Variants in SLC24A2 observed in about 807,000 individuals in gnomAD.
SLC24A2 encodes the protein solute carrier family 24 member 2.
In SLC24A2, 36 loss-of-function variants were observed where a neutral mutation model predicts 62.0. That is an observed-to-expected ratio of 0.58 (90% CI 0.44 to 0.77). The LOEUF (loss-of-function observed/expected upper bound fraction) is 0.77, where lower values mean the gene tolerates loss of function less well. SLC24A2 is among the 30% of genes least tolerant of loss of function. The pLI is 0.00. For synonymous variants in SLC24A2, 358 were observed against 294.0 expected, an observed-to-expected ratio of 1.22 and a Z score of -2.23; for missense variants, 846 against 817.9, an observed-to-expected ratio of 1.03 and a Z score of -0.42.
chr9:20,182,721 A>G, the SLC24A2 span, among the ~76,000 whole-genome samples: 2 of 152,242 alleles, frequency 1.3e-5, no homozygotes, highest in Non-Finnish European at 2.9e-5. Flanking sequence ...CAACAGGCAC[A>G]TGTATACCTA....
At chr9:19,616,943 T>C (rs1420803258) in intron 4 of SLC24A2, among the ~76,000 whole-genome samples, 2 of 152,034 alleles carry the variant, frequency 1.3e-5, no homozygotes, top group African/African-American at 4.8e-5. Context: ...GAACAGCCTA[T>C]GGAAAAACCT....
At chr9:19,565,278 A>G (rs548893757) in intron 7 of SLC24A2, among the ~76,000 whole-genome samples, 6 of 150,840 alleles carry the variant, frequency 4.0e-5, no homozygotes, top group African/African-American at 1.5e-4. Flanking sequence ...CTCAGGATAC[A>G]AAATCAATGT....
chr9:20,095,712 G>C, the SLC24A2 span, among the ~76,000 whole-genome samples: 1 of 151,756 alleles, frequency 6.6e-6, no homozygotes, highest in African/African-American at 2.4e-5. Context: ...ATCTGTATTA[G>C]TTCGTTTTCA....
the SLC24A2 span, among the ~76,000 whole-genome samples, chr9:19,957,231 A>G: frequency 2.6e-5 from 4 of 151,912 alleles, no homozygotes; most frequent in African/African-American, 9.7e-5. Flanking sequence ...ATGCTTCTCA[A>G]AGCCAGTTGT....
the SLC24A2 span, among the ~76,000 whole-genome samples, chr9:20,060,642 C>G: frequency 1.3e-5 from 2 of 152,086 alleles, no homozygotes; most frequent in African/African-American, 4.8e-5. Context: ...TAGAAGGGAA[C>G]TTTTCCAACT....
the SLC24A2 span, among the ~76,000 whole-genome samples, chr9:20,078,953 G>C: frequency 6.6e-6 from 1 of 152,172 alleles, no homozygotes; most frequent in Non-Finnish European, 1.5e-5. Flanking sequence ...TTTTGTAGTG[G>C]ATTGAATGGT....
the SLC24A2 span, among the ~76,000 whole-genome samples, chr9:20,029,309 C>G: frequency 4.6e-5 from 7 of 152,224 alleles, no homozygotes; most frequent in Admixed American, 3.9e-4. Flanking sequence ...CCTTGGCATG[C>G]TCATCATTAA....
At chr9:20,034,512 T>C in the SLC24A2 span, among the ~76,000 whole-genome samples, 1 of 138,828 alleles carries the variant, frequency 7.2e-6, no homozygotes, top group Admixed American at 8.0e-5. Flanking sequence ...CAGGCTGGAA[T>C]GCAGTGGCGC....
intron 5 of SLC24A2, among the ~76,000 whole-genome samples, chr9:19,594,905 T>A (rs1836664273): frequency 6.6e-6 from 1 of 152,198 alleles, no homozygotes; most frequent in South Asian, 2.1e-4. Flanking sequence ...CAGAATTAGG[T>A]TTAAGCCAGA....
At chr9:20,209,296 C>T in the SLC24A2 span, among the ~76,000 whole-genome samples, 1 of 152,270 alleles carries the variant, frequency 6.6e-6, no homozygotes, top group East Asian at 1.9e-4. Context: ...TAATGAATCA[C>T]CCTGTTTTTA....
intron 9 of SLC24A2, among the ~76,000 whole-genome samples, chr9:19,525,152 G>A (rs571675368): frequency 6.6e-6 from 1 of 152,032 alleles, no homozygotes; most frequent in Non-Finnish European, 1.5e-5. Context: ...GGAAGCCAAT[G>A]ATTTTTTGGA....
the SLC24A2 span, among the ~76,000 whole-genome samples, chr9:20,194,103 G>C: frequency 6.6e-6 from 1 of 151,982 alleles, no homozygotes. Context: ...GAAAACAAAA[G>C]TAAGCACTCC....
At chr9:19,995,854 A>C in the SLC24A2 span, among the ~76,000 whole-genome samples, 1 of 152,228 alleles carries the variant, frequency 6.6e-6, no homozygotes, top group African/African-American at 2.4e-5. Flanking sequence ...GTGCTTAGTC[A>C]AGGCAGCCTG....
the SLC24A2 span, among the ~76,000 whole-genome samples, chr9:20,114,091 G>A: frequency 6.6e-6 from 1 of 152,036 alleles, no homozygotes; most frequent in Admixed American, 6.6e-5. Context: ...AGTTCTGAGA[G>A]GCTGAGGTTG....
At chr9:20,264,864 G>A in the SLC24A2 span, among the ~76,000 whole-genome samples, 2 of 152,214 alleles carry the variant, frequency 1.3e-5, no homozygotes, top group South Asian at 4.1e-4. Flanking sequence ...GCCTTCCAGA[G>A]GTCTATCAGT....
chr9:19,980,514 A>T, the SLC24A2 span, among the ~76,000 whole-genome samples: 1 of 152,164 alleles, frequency 6.6e-6, no homozygotes, highest in Non-Finnish European at 1.5e-5. Context: ...TCTTTCTGGC[A>T]CATAGTGGAC....
chr9:19,913,411 G>T, the SLC24A2 span, among the ~76,000 whole-genome samples: 1 of 152,200 alleles, frequency 6.6e-6, no homozygotes, highest in East Asian at 1.9e-4. Context: ...ATCCAAGCTA[G>T]TCCAGTCAGA....
intron 8 of SLC24A2, among the ~76,000 whole-genome samples, chr9:19,533,377 G>A (rs2132677819): frequency 6.6e-6 from 1 of 152,292 alleles, no homozygotes; most frequent in South Asian, 2.1e-4. Flanking sequence ...CTGCAAAAAT[G>A]GGCACAATAC....
At chr9:20,231,544 C>G in the SLC24A2 span, among the ~76,000 whole-genome samples, 1 of 151,944 alleles carries the variant, frequency 6.6e-6, no homozygotes, top group Non-Finnish European at 1.5e-5. Flanking sequence ...TTGTCTGTTA[C>G]TGGTATATAA....
Sources: gnomAD v4.1 joint callset for allele counts (sites outside exome capture counted in the v4.1 genomes callset) on GRCh38, gnomAD v4.1.1 for gene constraint, MANE v1.5 for transcripts, NCBI Gene and HGNC (gene_info 2026-07-23, HGNC 2026-07-21) for gene names.